The following WDFY2 variants were observed in gnomAD, a reference collection of about 807,000 sequenced individuals.
WDFY2 encodes the protein WD repeat and FYVE domain containing 2.
Under a neutral mutation model 56.4 loss-of-function variants are expected in WDFY2, and 36 were observed. The observed-to-expected ratio is 0.64, with a 90% CI of 0.49 to 0.84. WDFY2 has a LOEUF of 0.84. WDFY2 is among the 40% of genes least tolerant of loss of function. The pLI is 0.00. For missense variants in WDFY2, 444 were observed against 512.2 expected, an observed-to-expected ratio of 0.87 and a Z score of 1.29; for synonymous variants, 176 against 183.7, an observed-to-expected ratio of 0.96 and a Z score of 0.34.
At chr13:51,645,993 A>G (rs1209749461) in intron 1 of WDFY2, among the ~76,000 whole-genome samples, 1 of 152,194 alleles carries the variant, frequency 6.6e-6, no homozygotes, top group Non-Finnish European at 1.5e-5. Context: ...ACCACCATTC[A>G]TATGACACCC....
At chr13:51,701,997 G>A (rs769943121) in intron 3 of WDFY2, among the ~76,000 whole-genome samples, 2 of 152,102 alleles carry the variant, frequency 1.3e-5, no homozygotes, top group Non-Finnish European at 2.9e-5. Context: ...TTATAGGCCA[G>A]CTACTTTACT....
At chr13:51,608,947 CTT>C (rs1368169865) in intron 1 of WDFY2, among the ~76,000 whole-genome samples, 1 of 152,044 alleles carries the variant, frequency 6.6e-6, no homozygotes, top group African/African-American at 2.4e-5. Flanking sequence ...AATGAACTCT[CTT>C]CTACAAATAT....
Position 51,767,519 on chromosome 13 carries a change from T to C in WDFY2, c.*7750T>C, listed in dbSNP as rs544885052. ...TTTATTCCACCATGGACACCAAGAATGTATGTAGATGTATTCTAAATCTGC... is the reference window on the plus strand; with the variant it reads ...TTTATTCCACCATGGACACCAAGAACGTATGTAGATGTATTCTAAATCTGC... On this transcript the variant is annotated 3_prime_UTR_variant, in exon 12 of 12. Transcript: ENST00000298125. 2 of 152,184 alleles carry C rather than the reference T, an allele frequency of 1.3e-5. No homozygotes were observed. The highest frequency in any genetic ancestry group is 2.9e-5 in the Non-Finnish European group (2 of 68,100). The allele number at this position is 152,184 out of a possible 1,614,324, so 9.4% of individuals were successfully genotyped here.
At chr13:51,651,766 C>T (rs1341701950) in intron 1 of WDFY2, among the ~76,000 whole-genome samples, 1 of 152,084 alleles carries the variant, frequency 6.6e-6, no homozygotes, top group East Asian at 1.9e-4. Flanking sequence ...TTTGATTGCA[C>T]CATGGTCTGA....
chr13:51,699,633 T>C (rs966226217), intron 3 of WDFY2, among the ~76,000 whole-genome samples: 1 of 152,180 alleles, frequency 6.6e-6, no homozygotes, highest in African/African-American at 2.4e-5. Flanking sequence ...TGAGATACCC[T>C]CTTGTTTCAC....
At chr13:51,674,068 T>C (rs1955847958) in intron 2 of WDFY2, among the ~76,000 whole-genome samples, 1 of 152,186 alleles carries the variant, frequency 6.6e-6, no homozygotes, top group African/African-American at 2.4e-5. Flanking sequence ...AAAAATAATC[T>C]AAGTTGGTTG....
At chr13:51,610,071 A>G (rs953344773) in intron 1 of WDFY2, among the ~76,000 whole-genome samples, 1 of 152,134 alleles carries the variant, frequency 6.6e-6, no homozygotes, top group Non-Finnish European at 1.5e-5. Flanking sequence ...CTCCTTCTCT[A>G]TGAAAGACTT....
intron 1 of WDFY2, among the ~76,000 whole-genome samples, chr13:51,650,254 A>T (rs1955348197): frequency 6.6e-6 from 1 of 152,180 alleles, no homozygotes; most frequent in Non-Finnish European, 1.5e-5. Context: ...TGATTTTTGC[A>T]TATTGATTTT....
chr13:51,706,973 G>A (rs532856879), intron 4 of WDFY2, among the ~76,000 whole-genome samples: 1 of 152,032 alleles, frequency 6.6e-6, no homozygotes, highest in Non-Finnish European at 1.5e-5. Context: ...AAAAGTTTCA[G>A]GAACAACAAG....
chr13:51,665,037 A>G (rs1224368183), intron 2 of WDFY2, among the ~76,000 whole-genome samples: 4 of 152,212 alleles, frequency 2.6e-5, no homozygotes, highest in African/African-American at 9.6e-5. Context: ...TTACATGAAT[A>G]CCAACCATCA....
At chr13:51,596,557 G>A (rs1182039871) in intron 1 of WDFY2, among the ~76,000 whole-genome samples, 1 of 152,212 alleles carries the variant, frequency 6.6e-6, no homozygotes, top group Admixed American at 6.5e-5. Context: ...TGAGTGCAAA[G>A]CTTGAGGATG....
At chr13:51,603,164 T>C (rs1485959688) in intron 1 of WDFY2, among the ~76,000 whole-genome samples, 2 of 152,208 alleles carry the variant, frequency 1.3e-5, no homozygotes, top group African/African-American at 4.8e-5. Flanking sequence ...TGCCAATTTT[T>C]GACTGCCTTT....
intron 1 of WDFY2, among the ~76,000 whole-genome samples, chr13:51,585,753 A>G (rs1439171867): frequency 2.0e-5 from 3 of 152,238 alleles, no homozygotes; most frequent in Non-Finnish European, 4.4e-5. Context: ...GGGATTTTAC[A>G]GTAAGTAGGT....
chr13:51,600,814 CGT>C (rs1461951564), intron 1 of WDFY2, among the ~76,000 whole-genome samples: 3 of 152,180 alleles, frequency 2.0e-5, no homozygotes, highest in Non-Finnish European at 4.4e-5. Context: ...ATGCCCTTTT[CGT>C]TGGTCATTGC....
At chr13:51,699,422 G>A (rs945859925) in intron 3 of WDFY2, among the ~76,000 whole-genome samples, 8 of 152,150 alleles carry the variant, frequency 5.3e-5, no homozygotes, top group Non-Finnish European at 1.0e-4. Context: ...GTCTTTCTCC[G>A]CTTTGCTTTG....
chr13:51,745,255 T>G (rs1382849672), intron 7 of WDFY2, among the ~76,000 whole-genome samples: 1 of 152,124 alleles, frequency 6.6e-6, no homozygotes, highest in Non-Finnish European at 1.5e-5. Flanking sequence ...CCAGGAGAGA[T>G]AGGGAAAACC....
At chr13:51,755,336 G>A (rs1027159717) in intron 8 of WDFY2, 22 bp from the exon 9 acceptor site, 3 of 1,612,448 alleles carry the variant, frequency 1.9e-6, no homozygotes, top group African/African-American at 2.7e-5. Flanking sequence ...ACAGTGACCT[G>A]TTCTGTGCTT....
chr13:51,597,780 T>A (rs1954178931), intron 1 of WDFY2, among the ~76,000 whole-genome samples: 1 of 152,262 alleles, frequency 6.6e-6, no homozygotes, highest in East Asian at 1.9e-4. Context: ...TGGTAGTTTG[T>A]TTCCCTTGAA....
At chr13:51,614,687 C>T (rs922547286) in intron 1 of WDFY2, among the ~76,000 whole-genome samples, 2 of 152,172 alleles carry the variant, frequency 1.3e-5, no homozygotes, top group Non-Finnish European at 2.9e-5. Flanking sequence ...CAGTGACTTC[C>T]GCTTACATGT....
Sources: allele counts gnomAD v4.1 joint callset (sites outside exome capture counted in the v4.1 genomes callset), GRCh38; gene constraint gnomAD v4.1.1; transcripts MANE v1.5; gene names NCBI Gene and HGNC (gene_info 2026-07-23, HGNC 2026-07-21).